The following BMP1 variants were observed in gnomAD, a reference collection of about 807,000 sequenced individuals.
BMP1 encodes the protein bone morphogenetic protein 1, also known as mammalian tolloid protein.
Under a neutral mutation model 116.8 loss-of-function variants are expected in BMP1, and 63 were observed. The observed-to-expected ratio is 0.54, with a 90% confidence interval of 0.44 to 0.67. The LOEUF (loss-of-function observed/expected upper bound fraction) is 0.67. BMP1 is among the 30% of genes least tolerant of loss of function. BMP1 has a pLI of 0.00. For synonymous variants in BMP1, 536 were observed against 533.4 expected (o/e 1.00, Z -0.07); for missense variants, 1,183 against 1,358.9 (o/e 0.87, Z 2.04).
chr8:22,209,329 C>T, intron 18 of BMP1, 116 bp from the exon 19 acceptor site: 2 of 1,505,042 alleles, frequency 1.3e-6, no homozygotes, highest in Non-Finnish European at 1.8e-6. Flanking sequence ...CATCACTGGC[C>T]TCGTGGCCTT....
At chr8:22,178,105 C>T (rs1199971856) in intron 6 of BMP1, 148 bp downstream of exon 6, 4 of 662,722 alleles carry the variant, frequency 6.0e-6, no homozygotes, top group South Asian at 1.9e-5. Context: ...GCAGAGGGTC[C>T]GTGGATGTTG....
Position 22,194,893 on chromosome 8 carries a change from C to A in BMP1, c.1613C>A (p.Ala538Glu). Residue 538 changes from alanine to glutamate, a missense_variant, in exon 12 of 20, where the codon GCG becomes GAG. Coordinates refer to ENST00000306385, the MANE Select transcript of BMP1 (RefSeq NM_006129.5). This position sits in a 1 kb window ranked among gnomAD's most constrained non-coding sequence, Gnocchi z 4.5. Reference protein sequence around the residue: ...KFVSDGSINKAGFAVNFFKEV... With the variant: ...KFVSDGSINKEGFAVNFFKEV... The stretch of plus-strand genomic sequence containing the variant: ...GTCTCTGACGGGTCCATTAACAAAG[C>A]GGGCTTTGCCGTCAACTTTTTCAAA... 3.1e-6 allele frequency: 5 copies of A among 1,610,044 alleles called. No homozygotes were observed. The highest frequency in any genetic ancestry group is 2.2e-5 in the South Asian group (2 of 90,398).
intron 15 of BMP1, 158 bp from the exon 16 acceptor site, chr8:22,201,645 G>A (rs750563436): frequency 2.7e-5 from 37 of 1,383,716 alleles, no homozygotes; most frequent in Non-Finnish European, 3.0e-5. Flanking sequence ...CCCCCTTGTC[G>A]CCTGGCCTCC....
intron 8 of BMP1, among the ~76,000 whole-genome samples, chr8:22,189,774 G>C (rs1828878551): frequency 6.6e-6 from 1 of 151,972 alleles, no homozygotes; most frequent in Non-Finnish European, 1.5e-5. Context: ...TCCACATTTG[G>C]TAATGAGATG....
chr8:22,168,504 G>A (rs920266216), intron 1 of BMP1, among the ~76,000 whole-genome samples: 1 of 152,162 alleles, frequency 6.6e-6, no homozygotes, highest in Non-Finnish European at 1.5e-5. Flanking sequence ...CCAGAGCTGG[G>A]TAGTGACCCT....
rs2131902412 is a variant in BMP1 at position 22,207,328 on chromosome 8, C to T, written c.2387C>T (p.Ser796Phe). 6.2e-7 allele frequency: 1 copy of T among 1,613,734 alleles called. No homozygotes were observed. The part of the protein sequence containing the change: ...KLTFMEMDIE[S>F]QPECAYDHLE... ...ACCTTCATGGAGATGGACATCGAGT[C>T]CCAGCCTGAGTGTGCCTACGACCAC... Residue 796 changes from serine to phenylalanine, a missense_variant, in exon 18 of 20, where the codon TCC (serine) becomes TTC (phenylalanine). By Grantham distance (155) the Ser-to-Phe change is radical. Coordinates refer to ENST00000306385, the MANE Select transcript of BMP1 (RefSeq NM_006129.5).
chr8:22,198,097 A>G (rs561692511), intron 15 of BMP1, among the ~76,000 whole-genome samples: 1 of 152,288 alleles, frequency 6.6e-6, no homozygotes, highest in African/African-American at 2.4e-5. Flanking sequence ...AGGTAGGAGG[A>G]TTGCTTGAGC....
Position 22,198,854 on chromosome 8 carries a change from G to T in BMP1, c.2107+1434G>T. On this transcript the variant is annotated intron_variant, in intron 15 of 19. Coordinates refer to ENST00000306385, the MANE Select transcript of BMP1 (RefSeq NM_006129.5). The stretch of plus-strand genomic sequence containing the variant: ...CCTGCCCCCAACCCCCGCTTGCTGA[G>T]ACCCTCCCCATGCCAGGCCAATTTC... 3 of 901,484 alleles carry T rather than the reference G, an allele frequency of 3.3e-6. No individual in the cohort carries two copies. In the South Asian group the frequency reaches 6.6e-5, roughly 20 times the overall value. The allele number at this position is 901,484 out of a possible 1,614,324, so 55.8% of individuals were successfully genotyped here.
At position 22,176,198 on chromosome 8, in the gene BMP1, G is replaced by C. The variant is rs774730200; in HGVS notation, c.318G>C (p.Arg106Ser). ...AGAGCACCAACGGGCAGCCTCAGAGGGGAGCCTGTGGGAGATGGAGAGGTA... is the reference window on the plus strand; with the variant it reads ...AGAGCACCAACGGGCAGCCTCAGAGCGGAGCCTGTGGGAGATGGAGAGGTA... ...SCQSTNGQPQRGACGRWRGRS... is the reference protein window; with the variant it reads ...SCQSTNGQPQSGACGRWRGRS... Residue 106 changes from arginine (R) to serine (S), a missense_variant, in exon 3 of 20, where the codon AGG (arginine) becomes AGC (serine). By Grantham distance (110) the Arg-to-Ser change is moderately radical (BLOSUM62 -1). Transcript: ENST00000306385. 8.1e-6 allele frequency: 13 copies of C among 1,614,162 alleles called. No individual in the cohort carries two copies. The East Asian group carries it at 2.2e-4, about 28-fold the overall frequency.
At chr8:22,196,417 G>C in intron 13 of BMP1, 1 of 601,606 alleles carries the variant, frequency 1.7e-6, no homozygotes. Flanking sequence ...GGAGGACCTT[G>C]GCCTGTTCAT....
chr8:22,202,071 G>A, intron 16 of BMP1, 143 bp downstream of exon 16: 1 of 1,262,566 alleles, frequency 7.9e-7, no homozygotes, highest in South Asian at 1.6e-5. Context: ...CACCCACCTG[G>A]TACATAGATC....
chr8:22,204,983 G>A (rs1363835058), intron 16 of BMP1, among the ~76,000 whole-genome samples: 1 of 152,150 alleles, frequency 6.6e-6, no homozygotes, highest in Non-Finnish European at 1.5e-5. Flanking sequence ...TGTGGTGTGA[G>A]GGTTCCCACG....
Position 22,193,942 on chromosome 8 carries a change from G to A in BMP1, c.1181-116G>A. The A allele has an allele frequency of 6.3e-6, 5 of 798,074 alleles. No individual in the cohort carries two copies. In the Middle Eastern group the frequency reaches 1.4e-3, roughly 217 times the overall value. 49.4% of individuals were successfully genotyped at this position (798,074 alleles called of 1,614,324 possible). On this transcript the variant is annotated intron_variant, in intron 9 of 19. Coordinates refer to ENST00000306385, the MANE Select transcript of BMP1 (RefSeq NM_006129.5). ...AGAGGGTATACAGTCTTGGGAATGT[G>A]TGAAGTAGGGTGGCCACAGATCAGG...
rs759369189 is a variant in BMP1 at position 22,196,662 on chromosome 8, C to G, written c.1766-18C>G. ...CAGGGGCTCCCCGCAGACGATGCCACCTTCCTTGTCCCCGCAGCTGCTTGT... is the reference window on the plus strand; with the variant it reads ...CAGGGGCTCCCCGCAGACGATGCCAGCTTCCTTGTCCCCGCAGCTGCTTGT... On this transcript the variant is annotated intron_variant, in intron 13 of 19. Transcript: ENST00000306385. 3.7e-6 allele frequency: 6 copies of G among 1,613,706 alleles called. No individual in the cohort carries two copies. The highest frequency in any genetic ancestry group is 1.3e-5 in the African/African-American group (1 of 74,914).
At chr8:22,191,755 T>G (rs184091140) in intron 8 of BMP1, among the ~76,000 whole-genome samples, 179 of 152,344 alleles carry the variant, frequency 1.2e-3, no homozygotes, top group African/African-American at 4.1e-3. Context: ...CCAGTTCCTC[T>G]TGAAGATATT....
At chr8:22,176,341 T>A (rs180699446) in intron 3 of BMP1, 28 bp downstream of exon 3, 1 of 1,572,106 alleles carries the variant, frequency 6.4e-7, no homozygotes, top group African/African-American at 1.3e-5. Context: ...GGTCCCAGAG[T>A]GTAACCAGCT....
chr8:22,211,390 G>A (rs1829459563), intron 19 of BMP1, among the ~76,000 whole-genome samples: 1 of 152,158 alleles, frequency 6.6e-6, no homozygotes, highest in Non-Finnish European at 1.5e-5. Context: ...TGGGTTTACG[G>A]GAACTTAGTT....
chr8:22,183,790 G>A lies in BMP1; in HGVS notation c.1077+3307G>A, dbSNP rs1421365388. Among the ~76,000 whole-genome samples, 13 of 152,146 alleles carry A rather than the reference G, an allele frequency of 8.5e-5. No homozygotes were observed. The East Asian group carries it at 1.2e-3, about 14-fold the overall frequency. On this transcript the variant is annotated intron_variant, in intron 8 of 19. Coordinates refer to ENST00000306385, the MANE Select transcript of BMP1 (RefSeq NM_006129.5). ...CGGGTTTCTCCATGTTGGTCAGGCT[G>A]GTCTCGAACTCCCGACCTGAGGTGA... is the stretch of plus-strand genomic sequence containing the variant.
intron 15 of BMP1, chr8:22,199,437 C>T: frequency 8.1e-7 from 1 of 1,227,424 alleles, no homozygotes; most frequent in Non-Finnish European, 1.0e-6. Flanking sequence ...TCCACCCCAC[C>T]CCCCTGCAAC....
Sources: gnomAD v4.1 joint callset for allele counts (sites outside exome capture counted in the v4.1 genomes callset) on GRCh38, gnomAD v4.1.1 for gene constraint, Gnocchi (gnomAD v3.1) non-coding constraint, MANE v1.5 for transcripts, NCBI Gene and HGNC (gene_info 2026-07-23, HGNC 2026-07-21) for gene names.